The following ZNF804B variants were observed in gnomAD, a reference collection of about 807,000 sequenced individuals.
ZNF804B encodes zinc finger 804B.
ZNF804B carries 80 observed loss-of-function variants against 101.4 expected under a neutral mutation model. The observed-to-expected ratio is 0.79, with a 90% CI of 0.66 to 0.95. ZNF804B has a LOEUF of 0.95. ZNF804B is among the 40% of genes least tolerant of loss of function. The pLI is 0.00. For synonymous variants in ZNF804B, 622 were observed against 558.8 expected, an observed-to-expected ratio of 1.11 and a Z score of -1.59; for missense variants, 1,673 against 1,561.9, an observed-to-expected ratio of 1.07 and a Z score of -1.20.
chr7:88,806,639 GTGTGTGTA>G (rs1321567748), intron 1 of ZNF804B, among the ~76,000 whole-genome samples: 1 of 151,622 alleles, frequency 6.6e-6, no homozygotes, highest in Non-Finnish European at 1.5e-5. Context: ...GTGTGTGTAT[GTGTGTGTA>G]TGTGTGTGTG....
intron 1 of ZNF804B, among the ~76,000 whole-genome samples, chr7:89,195,324 G>A (rs1426956232): frequency 0.01 from 1,169 of 112,806 alleles, no homozygotes; most frequent in Admixed American, 0.02. Context: ...ACATAGTGTT[G>A]GAAGTTCTGG....
At chr7:89,279,562 GC>G (rs1282636947) in intron 2 of ZNF804B, among the ~76,000 whole-genome samples, 3 of 151,978 alleles carry the variant, frequency 2.0e-5, no homozygotes, top group African/African-American at 7.3e-5. Flanking sequence ...TTAGCATGAA[GC>G]GTTGTTGAAT....
chr7:88,810,371 G>A (rs1462994841), intron 1 of ZNF804B, among the ~76,000 whole-genome samples: 3 of 151,896 alleles, frequency 2.0e-5, no homozygotes, highest in African/African-American at 4.8e-5. Flanking sequence ...TCATTAAAAA[G>A]AGCTGAGCCC....
intron 3 of ZNF804B, among the ~76,000 whole-genome samples, chr7:89,329,958 T>A (rs1298099022): frequency 6.6e-6 from 1 of 151,796 alleles, no homozygotes; most frequent in African/African-American, 2.4e-5. Context: ...GTAAGGATGC[T>A]TTTTGAACAG....
At chr7:89,252,886 G>A (rs887993153) in intron 2 of ZNF804B, among the ~76,000 whole-genome samples, 5 of 152,142 alleles carry the variant, frequency 3.3e-5, no homozygotes, top group Admixed American at 6.5e-5. Flanking sequence ...TACTGGGGAA[G>A]GAGGGGGACA....
At chr7:89,146,530 T>G (rs549754330) in intron 1 of ZNF804B, among the ~76,000 whole-genome samples, 73 of 152,178 alleles carry the variant, frequency 4.8e-4, no homozygotes, top group African/African-American at 1.5e-3. Flanking sequence ...TAGTCAATTT[T>G]TCTTCCTAAA....
At chr7:88,851,948 C>T (rs538888956) in intron 1 of ZNF804B, among the ~76,000 whole-genome samples, 1 of 152,042 alleles carries the variant, frequency 6.6e-6, no homozygotes, top group Non-Finnish European at 1.5e-5. Flanking sequence ...ATGCAAGTGT[C>T]TGCTCTGAAA....
intron 1 of ZNF804B, among the ~76,000 whole-genome samples, chr7:88,844,964 C>G (rs551131190): frequency 9.9e-5 from 15 of 152,242 alleles, no homozygotes; most frequent in African/African-American, 3.4e-4. Context: ...GCTGGAAGTT[C>G]TCTCATTAAA....
chr7:89,087,734 T>C (rs910673299), intron 1 of ZNF804B, among the ~76,000 whole-genome samples: 1 of 151,928 alleles, frequency 6.6e-6, no homozygotes, highest in Admixed American at 6.6e-5. Context: ...GTGTGACACA[T>C]AAAACTAGTA....
At chr7:88,930,862 G>A (rs527348355) in intron 1 of ZNF804B, among the ~76,000 whole-genome samples, 2 of 151,984 alleles carry the variant, frequency 1.3e-5, no homozygotes, top group Admixed American at 1.3e-4. Context: ...TGATAATACT[G>A]CAAGTACTAA....
intron 1 of ZNF804B, among the ~76,000 whole-genome samples, chr7:89,054,540 G>A (rs572820431): frequency 1.7e-4 from 26 of 151,938 alleles, no homozygotes; most frequent in African/African-American, 6.3e-4. Flanking sequence ...AAATGATTGT[G>A]GCTTAGAAAG....
chr7:88,943,984 A>C (rs1037864897), intron 1 of ZNF804B, among the ~76,000 whole-genome samples: 4 of 151,950 alleles, frequency 2.6e-5, no homozygotes, highest in African/African-American at 9.6e-5. Flanking sequence ...GCTGTATAAA[A>C]ATTTATCCAT....
At chr7:89,216,860 A>G (rs1443977307) in intron 1 of ZNF804B, among the ~76,000 whole-genome samples, 1 of 152,226 alleles carries the variant, frequency 6.6e-6, no homozygotes, top group Admixed American at 6.5e-5. Flanking sequence ...AGAAACAAAG[A>G]TAAAATCCAT....
intron 1 of ZNF804B, among the ~76,000 whole-genome samples, chr7:88,832,548 G>A (rs562894738): frequency 6.6e-6 from 1 of 151,506 alleles, no homozygotes; most frequent in African/African-American, 2.4e-5. Flanking sequence ...TTGTTTGTTT[G>A]TTTTTCCTTT....
chr7:89,298,460 T>C (rs1006937207), intron 2 of ZNF804B, among the ~76,000 whole-genome samples: 8 of 150,508 alleles, frequency 5.3e-5, no homozygotes, highest in African/African-American at 2.0e-4. Context: ...ACTATTAATA[T>C]ACAGGACATC....
chr7:89,067,579 A>G (rs897116555), intron 1 of ZNF804B, among the ~76,000 whole-genome samples: 6 of 152,140 alleles, frequency 3.9e-5, no homozygotes, highest in Admixed American at 1.3e-4. Flanking sequence ...TTATTGGCCA[A>G]AGTTGTCTCT....
At chr7:89,183,539 G>T (rs1788331303) in intron 1 of ZNF804B, among the ~76,000 whole-genome samples, 1 of 152,136 alleles carries the variant, frequency 6.6e-6, no homozygotes, top group South Asian at 2.1e-4. Flanking sequence ...AGGGAGAAAT[G>T]CTGTAGATTT....
chr7:89,169,807 A>G (rs1791198604), intron 1 of ZNF804B, among the ~76,000 whole-genome samples: 1 of 152,176 alleles, frequency 6.6e-6, no homozygotes. Flanking sequence ...GAAGAAATAT[A>G]TATTCTTATA....
intron 2 of ZNF804B, among the ~76,000 whole-genome samples, chr7:89,292,855 A>C (rs1057071326): frequency 6.6e-6 from 1 of 151,914 alleles, no homozygotes; most frequent in African/African-American, 2.4e-5. Context: ...TTTTTGTAAC[A>C]TCTGAAATAG....
Sources: allele counts gnomAD v4.1 joint callset (sites outside exome capture counted in the v4.1 genomes callset), GRCh38; gene constraint gnomAD v4.1.1; transcripts MANE v1.5; gene names NCBI Gene and HGNC (gene_info 2026-07-23, HGNC 2026-07-21).